The following TBC1D4 variants were observed in gnomAD, a reference collection of about 807,000 sequenced individuals.
TBC1D4 encodes the protein TBC1 domain family member 4, also known as TBC (Tre-2, BUB2, CDC16) domain-containing protein.
A neutral mutation model predicts 142.5 loss-of-function variants in TBC1D4; 121 were observed. The observed-to-expected ratio is 0.85, with a 90% CI of 0.73 to 0.99. The LOEUF (loss-of-function observed/expected upper bound fraction) is 0.99. TBC1D4 is among the 50% of genes least tolerant of loss of function. The pLI, the probability that TBC1D4 is intolerant of heterozygous loss-of-function variation, is 0.00. For missense variants in TBC1D4, 1,475 were observed against 1,606.6 expected (o/e 0.92, Z 1.40); for synonymous variants, 630 against 628.2 (o/e 1.00, Z -0.04).
chr13:75,319,733 A>G (rs1404965890), intron 12 of TBC1D4, among the ~76,000 whole-genome samples: 3 of 152,230 alleles, frequency 2.0e-5, no homozygotes, highest in African/African-American at 7.2e-5. Flanking sequence ...TTAAAATTAA[A>G]ATTAGGCTTT....
At chr13:75,421,651 G>T (rs9543925) in intron 1 of TBC1D4, among the ~76,000 whole-genome samples, 19 of 151,802 alleles carry the variant, frequency 1.3e-4, no homozygotes, top group Non-Finnish European at 2.8e-4. Flanking sequence ...GAAATGAAGC[G>T]GCATATCATA....
chr13:75,387,396 G>A (rs1172157632), intron 1 of TBC1D4, among the ~76,000 whole-genome samples: 1 of 152,166 alleles, frequency 6.6e-6, no homozygotes, highest in Non-Finnish European at 1.5e-5. Context: ...TGCGAAATCT[G>A]AAACTATATC....
intron 12 of TBC1D4, among the ~76,000 whole-genome samples, chr13:75,313,904 C>T (rs2137948979): frequency 6.6e-6 from 1 of 152,286 alleles, no homozygotes; most frequent in South Asian, 2.1e-4. Context: ...TGTACCTCTC[C>T]AACAGGGAAA....
intron 1 of TBC1D4, 31 bp downstream of exon 1, chr13:75,481,239 C>T (rs1888853332): frequency 1.9e-6 from 3 of 1,598,552 alleles, no homozygotes; most frequent in African/African-American, 2.7e-5. Flanking sequence ...AAGGCCGAGC[C>T]CGCCCCCGCG....
chr13:75,289,399 T>A (rs962750841), intron 19 of TBC1D4, among the ~76,000 whole-genome samples: 1 of 152,078 alleles, frequency 6.6e-6, no homozygotes, highest in Non-Finnish European at 1.5e-5. Context: ...GCTAAGTCCC[T>A]AGAATAAATT....
intron 1 of TBC1D4, among the ~76,000 whole-genome samples, chr13:75,456,042 G>A (rs1158647338): frequency 6.6e-6 from 1 of 151,668 alleles, no homozygotes; most frequent in African/African-American, 2.4e-5. Flanking sequence ...TGTTGCCCAG[G>A]CTGGCCTCAC....
chr13:75,449,041 C>CTT (rs1555323699), intron 1 of TBC1D4, among the ~76,000 whole-genome samples: 1 of 90,872 alleles, frequency 1.1e-5, no homozygotes. Flanking sequence ...ACATATTTGA[C>CTT]TTATATATAT....
At chr13:75,304,910 A>C (rs1260672942) in intron 15 of TBC1D4, among the ~76,000 whole-genome samples, 1 of 152,208 alleles carries the variant, frequency 6.6e-6, no homozygotes, top group East Asian at 1.9e-4. Flanking sequence ...GAGAGATAAC[A>C]AAATGAGATC....
chr13:75,397,000 A>T (rs957586510), intron 1 of TBC1D4, among the ~76,000 whole-genome samples: 1 of 152,204 alleles, frequency 6.6e-6, no homozygotes, highest in Non-Finnish European at 1.5e-5. Flanking sequence ...TCCAACCTTG[A>T]GGACACATTG....
intron 1 of TBC1D4, among the ~76,000 whole-genome samples, chr13:75,397,671 G>A (rs1218871864): frequency 6.6e-6 from 1 of 151,944 alleles, no homozygotes. Context: ...TGTTTGTTTT[G>A]GAGTTGGCTT....
intron 1 of TBC1D4, among the ~76,000 whole-genome samples, chr13:75,376,672 TGC>T (rs1883529934): frequency 6.6e-6 from 1 of 152,192 alleles, no homozygotes; most frequent in Non-Finnish European, 1.5e-5. Flanking sequence ...CATATGCCAC[TGC>T]ACCTGACCTT....
At chr13:75,360,352 G>A (rs1355754506) in intron 2 of TBC1D4, among the ~76,000 whole-genome samples, 1 of 151,988 alleles carries the variant, frequency 6.6e-6, no homozygotes, top group Non-Finnish European at 1.5e-5. Flanking sequence ...CCCAAGAAAA[G>A]GGGAAATTCA....
intron 3 of TBC1D4, among the ~76,000 whole-genome samples, chr13:75,358,065 G>A (rs1054499875): frequency 1.5e-4 from 23 of 152,062 alleles, no homozygotes; most frequent in Non-Finnish European, 3.1e-4. Context: ...CTTGAGGAGT[G>A]TGGGGTGGGA....
intron 1 of TBC1D4, among the ~76,000 whole-genome samples, chr13:75,444,690 C>T (rs1887197833): frequency 1.3e-5 from 2 of 152,122 alleles, no homozygotes; most frequent in African/African-American, 4.8e-5. Flanking sequence ...CAAAGGACAA[C>T]GAGTAAATAA....
intron 1 of TBC1D4, among the ~76,000 whole-genome samples, chr13:75,393,240 T>C (rs778374255): frequency 6.6e-6 from 1 of 152,032 alleles, no homozygotes; most frequent in Non-Finnish European, 1.5e-5. Flanking sequence ...AAGAGGTAGA[T>C]AGTCATCTCT....
chr13:75,479,766 GT>G, intron 1 of TBC1D4, among the ~76,000 whole-genome samples: 1 of 152,164 alleles, frequency 6.6e-6, no homozygotes, highest in East Asian at 1.9e-4. Context: ...CTAAAAATAA[GT>G]TTTGAACAAA....
At chr13:75,451,238 T>C (rs1304049267) in intron 1 of TBC1D4, among the ~76,000 whole-genome samples, 3 of 152,086 alleles carry the variant, frequency 2.0e-5, no homozygotes, top group Non-Finnish European at 4.4e-5. Flanking sequence ...TACCTACTTA[T>C]TAGAGCGAAA....
chr13:75,471,089 A>C (rs1445541335), intron 1 of TBC1D4, among the ~76,000 whole-genome samples: 1 of 151,786 alleles, frequency 6.6e-6, no homozygotes, highest in Non-Finnish European at 1.5e-5. Flanking sequence ...TTACTTTCTT[A>C]TGTTAAGACA....
intron 11 of TBC1D4, among the ~76,000 whole-genome samples, chr13:75,321,468 A>G (rs756149515): frequency 1.3e-5 from 2 of 152,190 alleles, no homozygotes; most frequent in Non-Finnish European, 2.9e-5. Flanking sequence ...TGGACCAAAA[A>G]TTATAAAACA....
Sources: gnomAD v4.1 joint callset for allele counts (sites outside exome capture counted in the v4.1 genomes callset) on GRCh38, gnomAD v4.1.1 for gene constraint, MANE v1.5 for transcripts, NCBI Gene and HGNC (gene_info 2026-07-23, HGNC 2026-07-21) for gene names.